NALF1: variants seen among roughly 807,000 people sequenced by gnomAD.
NALF1 encodes the protein family with sequence similarity 155 member A.
NALF1 carries 3 observed loss-of-function variants against 48.4 expected under a neutral mutation model. That is an observed-to-expected ratio of 0.06 (90% CI 0.03 to 0.16). The LOEUF (loss-of-function observed/expected upper bound fraction) is 0.16. NALF1 is among the 10% of genes least tolerant of loss of function. The probability of loss-of-function intolerance (pLI) is 1.00; values close to 1 mark genes in which losing one functional copy is unlikely to be tolerated. For synonymous variants in NALF1, 262 were observed against 245.7 expected, an observed-to-expected ratio of 1.07 and a Z score of -0.62; for missense variants, 526 against 571.5, an observed-to-expected ratio of 0.92 and a Z score of 0.81.
intron 1 of NALF1, among the ~76,000 whole-genome samples, chr13:107,631,398 T>C (rs1333731986): frequency 1.3e-5 from 2 of 152,150 alleles, no homozygotes; most frequent in African/African-American, 4.8e-5. Context: ...ACTATAATAA[T>C]GAGTCATATA....
At chr13:107,718,928 C>T (rs1188195167) in intron 1 of NALF1, among the ~76,000 whole-genome samples, 1 of 152,212 alleles carries the variant, frequency 6.6e-6, no homozygotes, top group East Asian at 1.9e-4. Context: ...ACATTCCCTT[C>T]ATCTCAGAAT....
At chr13:107,506,424 A>G (rs530747505) in intron 1 of NALF1, among the ~76,000 whole-genome samples, 1 of 152,294 alleles carries the variant, frequency 6.6e-6, no homozygotes, top group South Asian at 2.1e-4. Context: ...TACATATAAT[A>G]CAGTTCACCT....
At chr13:107,263,291 C>CACACACAT (rs1491523793) in intron 1 of NALF1, among the ~76,000 whole-genome samples, 1 of 147,160 alleles carries the variant, frequency 6.8e-6, no homozygotes, top group Admixed American at 6.8e-5. Flanking sequence ...CACACACACA[C>CACACACAT]ATCTCAGTGG....
chr13:107,280,176 C>T (rs1449651035), intron 1 of NALF1, among the ~76,000 whole-genome samples: 1 of 152,194 alleles, frequency 6.6e-6, no homozygotes, highest in Non-Finnish European at 1.5e-5. Flanking sequence ...CTTTTTATGT[C>T]TGAACATTAG....
At chr13:107,469,829 C>T (rs1885070008) in intron 1 of NALF1, among the ~76,000 whole-genome samples, 1 of 147,166 alleles carries the variant, frequency 6.8e-6, no homozygotes, top group African/African-American at 2.5e-5. Context: ...CTGCAAGCTC[C>T]ACCTCCCAGG....
At chr13:107,840,098 T>C (rs1880003805) in intron 1 of NALF1, among the ~76,000 whole-genome samples, 2 of 152,216 alleles carry the variant, frequency 1.3e-5, no homozygotes. Context: ...CACTGCGATA[T>C]GTATTTCCAG....
chr13:107,678,694 A>C (rs1277690704), intron 1 of NALF1, among the ~76,000 whole-genome samples: 1 of 152,216 alleles, frequency 6.6e-6, no homozygotes, highest in Non-Finnish European at 1.5e-5. Flanking sequence ...TCATGGTGGA[A>C]GGTGAAGGGA....
chr13:107,482,958 C>CTCTGGGAGTTGAGACAGCAA (rs1885276616), intron 1 of NALF1, among the ~76,000 whole-genome samples: 1 of 152,284 alleles, frequency 6.6e-6, no homozygotes, highest in Admixed American at 6.5e-5. Flanking sequence ...TTCCTCAACT[C>CTCTGGGAGTTGAGACAGCAA]CATGCCAAAC....
intron 1 of NALF1, among the ~76,000 whole-genome samples, chr13:107,566,615 T>A (rs1566395950): frequency 6.6e-6 from 1 of 152,214 alleles, no homozygotes; most frequent in Non-Finnish European, 1.5e-5. Context: ...TAACACCAGA[T>A]TCACGTTGTG....
At chr13:107,762,259 G>A in intron 1 of NALF1, among the ~76,000 whole-genome samples, 1 of 151,168 alleles carries the variant, frequency 6.6e-6, no homozygotes, top group East Asian at 1.9e-4. Context: ...AAAAGTAAAA[G>A]TTAATTTTTG....
chr13:107,643,546 G>GT (rs1880221905), intron 1 of NALF1, among the ~76,000 whole-genome samples: 1 of 150,334 alleles, frequency 6.7e-6, no homozygotes, highest in African/African-American at 2.4e-5. Context: ...ATTTGGTGGG[G>GT]GGGGGGTGAA....
At chr13:107,536,286 A>G (rs1876806830) in intron 1 of NALF1, among the ~76,000 whole-genome samples, 1 of 149,998 alleles carries the variant, frequency 6.7e-6, no homozygotes. Context: ...CAGAGTGAAC[A>G]GGCAACCTAC....
At position 107,272,363 on chromosome 13, in the gene NALF1, C is replaced by G. The variant is rs1303516255; in HGVS notation, c.916-61608G>C. On this transcript the variant is annotated intron_variant, in intron 1 of 2. Transcript: ENST00000375915. ...CCGAGTAGCTGGGACTACAGGCGCCCGCCACCACGCCCGGCTAATTTTTTG... is the reference window on the plus strand; with the variant it reads ...CCGAGTAGCTGGGACTACAGGCGCCGGCCACCACGCCCGGCTAATTTTTTG... Among the ~76,000 whole-genome samples, 2 of 61,146 alleles carry G rather than the reference C, an allele frequency of 3.3e-5. 1 individual carries two copies. The highest frequency in any genetic ancestry group is 7.8e-5 in the Non-Finnish European group (2 of 25,600). 40.1% of individuals were successfully genotyped at this position (61,146 alleles called of 152,430 possible). A position where few individuals can be genotyped will look rare whatever the true frequency, so the allele number is the denominator to read the frequency against.
intron 1 of NALF1, among the ~76,000 whole-genome samples, chr13:107,410,117 G>A (rs1323734260): frequency 6.6e-6 from 1 of 152,168 alleles, no homozygotes; most frequent in Non-Finnish European, 1.5e-5. Flanking sequence ...ACAATGCTTG[G>A]TGCTTGTCCA....
Position 107,206,298 on chromosome 13 carries a change from C to T in NALF1, c.1087+4286G>A, listed in dbSNP as rs1478812624. Reference sequence around the variant, plus strand: ...GGAATTAAACATATGCACGGGGATGCGCTTGTCATCAAGATCCGTGGTTAG... The same window carrying T: ...GGAATTAAACATATGCACGGGGATGTGCTTGTCATCAAGATCCGTGGTTAG... On this transcript the variant is annotated intron_variant, in intron 2 of 2. Transcript: ENST00000375915. 5.9e-5 allele frequency among the ~76,000 whole-genome samples: 9 copies of T among 152,106 alleles called. No individual in the cohort carries two copies. In the East Asian group the frequency reaches 1.2e-3, roughly 20 times the overall value.
chr13:107,775,908 G>A (rs1877718228), intron 1 of NALF1, among the ~76,000 whole-genome samples: 1 of 152,218 alleles, frequency 6.6e-6, no homozygotes, highest in African/African-American at 2.4e-5. Context: ...GGCTGTCAGA[G>A]CAGGTTTACT....
chr13:107,388,304 G>A lies in NALF1; in HGVS notation c.916-177549C>T, dbSNP rs1198638668. Among the ~76,000 whole-genome samples the A allele has an allele frequency of 2.0e-5, 3 of 152,158 alleles. No homozygotes were observed. In the East Asian group the frequency reaches 5.8e-4, roughly 29 times the overall value. On this transcript the variant is annotated intron_variant, in intron 1 of 2. Coordinates refer to ENST00000375915, the MANE Select transcript of NALF1 (RefSeq NM_001080396.3). ...CTTTATGTCTACTGACCAGGGTACTGGACCAAAATATAAAAGCTTAGACAT... is the reference window on the plus strand; with the variant it reads ...CTTTATGTCTACTGACCAGGGTACTAGACCAAAATATAAAAGCTTAGACAT...
At chr13:107,723,833 T>A (rs1263572232) in intron 1 of NALF1, among the ~76,000 whole-genome samples, 1 of 152,200 alleles carries the variant, frequency 6.6e-6, no homozygotes, top group African/African-American at 2.4e-5. Context: ...TTTTTTCTAG[T>A]TAGATAAATC....
intron 1 of NALF1, among the ~76,000 whole-genome samples, chr13:107,365,057 T>C (rs1651078152): frequency 7.2e-6 from 1 of 138,266 alleles, no homozygotes; most frequent in African/African-American, 2.7e-5. Context: ...TCTCTCCCTC[T>C]CCCTCTTCCT....
Sources: allele counts gnomAD v4.1 joint callset (sites outside exome capture counted in the v4.1 genomes callset), GRCh38; gene constraint gnomAD v4.1.1; transcripts MANE v1.5; gene names NCBI Gene and HGNC (gene_info 2026-07-23, HGNC 2026-07-21).